The following DIP2C variants were observed in gnomAD, a reference collection of about 807,000 sequenced individuals.
DIP2C encodes the protein DIP2 acetate--CoA ligase C (putative), also known as disco-interacting protein 2 homolog C.
DIP2C carries 33 observed loss-of-function variants against 192.4 expected under a neutral mutation model. The ratio of observed to expected loss-of-function variants is 0.17; its 90% confidence interval spans 0.13 to 0.23. The LOEUF (loss-of-function observed/expected upper bound fraction) is 0.23. DIP2C is among the 10% of genes least tolerant of loss of function. The pLI is 1.00. For synonymous variants in DIP2C, 979 were observed against 864.1 expected (o/e 1.13, Z -2.33); for missense variants, 1,537 against 2,110.1 (o/e 0.73, Z 5.32).
chr10:336,854 C>T (rs888463678), intron 29 of DIP2C, among the ~76,000 whole-genome samples: 18 of 147,658 alleles, frequency 1.2e-4, no homozygotes, highest in Non-Finnish European at 3.0e-5. Context: ...GTTGTGGAGG[C>T]CTAGACTGGT....
At chr10:621,131 C>T (rs749659913) in intron 1 of DIP2C, among the ~76,000 whole-genome samples, 1 of 152,304 alleles carries the variant, frequency 6.6e-6, no homozygotes, top group Non-Finnish European at 1.5e-5. Context: ...GGGCCACTGA[C>T]GGACTCAACA....
rs929955932 is a variant in DIP2C, at chr10:283,135, T to C, written c.4294+137A>G. The C allele has an allele frequency of 5.7e-6, 7 of 1,238,556 alleles. No homozygotes were observed. In the African/African-American group the frequency reaches 8.8e-5, roughly 16 times the overall value. The allele number at this position is 1,238,556 out of a possible 1,614,324, so 76.7% of individuals were successfully genotyped here. The stretch of plus-strand genomic sequence containing the variant: ...TCCTCTTGCTCTTAAACTCGGTTCT[T>C]TTCACACTGGGTTGTAGCTAGCACA... On this transcript the variant is annotated intron_variant, in intron 35 of 36. Transcript: ENST00000280886.
At chr10:525,064 T>TG (rs1229008338) in intron 1 of DIP2C, among the ~76,000 whole-genome samples, 1 of 151,768 alleles carries the variant, frequency 6.6e-6, no homozygotes, top group Non-Finnish European at 1.5e-5. Flanking sequence ...AATTATCTCA[T>TG]GTATTTGTAG....
At chr10:488,772 G>A (rs542967352) in intron 1 of DIP2C, among the ~76,000 whole-genome samples, 6 of 152,322 alleles carry the variant, frequency 3.9e-5, no homozygotes, top group Non-Finnish European at 8.8e-5. Context: ...GTGGATGACT[G>A]TTCATGGTTT....
At chr10:554,183 T>C (rs1848728199) in intron 1 of DIP2C, among the ~76,000 whole-genome samples, 1 of 151,974 alleles carries the variant, frequency 6.6e-6, no homozygotes, top group Non-Finnish European at 1.5e-5. Flanking sequence ...GCAAGAAATA[T>C]ACATCACAGG....
intron 1 of DIP2C, among the ~76,000 whole-genome samples, chr10:555,681 T>C (rs1848814064): frequency 1.3e-5 from 2 of 152,278 alleles, no homozygotes; most frequent in East Asian, 1.9e-4. Context: ...GGCAGACTCC[T>C]GGGACCCACC....
rs755678898 is a variant in DIP2C, at chr10:486,508, A to G, written c.108T>C (p.Tyr36=). 2.7e-5 allele frequency: 44 copies of G among 1,606,158 alleles called. No homozygotes were observed. The highest frequency in any genetic ancestry group is 1.7e-4 in the Middle Eastern group (1 of 6,058). Residue 36 remains tyrosine, a synonymous_variant, in exon 2 of 37, where the codon TAT becomes TAC. Transcript: ENST00000280886. ...CAATTAACTTTGACCTCTTCTTTTC[A>G]TATCCTTTTTGTGTGATGTCACCTG... The part of the protein sequence containing the change: ...LSEGDITQKG[Y]EKKRSKLIGA...
intron 1 of DIP2C, among the ~76,000 whole-genome samples, chr10:672,213 A>T (rs1158979557): frequency 6.6e-6 from 1 of 151,958 alleles, no homozygotes; most frequent in Non-Finnish European, 1.5e-5. Flanking sequence ...AACACCACCG[A>T]CGCAGGGACG....
In DIP2C at chr10:651,359, G is replaced by A. The variant is rs1411400910; in HGVS notation, c.85+38135C>T. The A allele has an allele frequency of 1.4e-6, 1 of 702,286 alleles. No homozygotes were observed. Among genetic ancestry groups the A allele is most frequent in the Non-Finnish European group, 2.6e-6 (1 of 384,828 alleles). 43.5% of individuals were successfully genotyped at this position (702,286 alleles called of 1,614,324 possible). ...CACCTACTTTTGCATCCCCAGCACTGTGCTCAGGTCCCAGGGAGGCCCCAG... is the reference window on the plus strand; with the variant it reads ...CACCTACTTTTGCATCCCCAGCACTATGCTCAGGTCCCAGGGAGGCCCCAG... On this transcript the variant is annotated intron_variant, in intron 1 of 36. Coordinates refer to ENST00000280886, the MANE Select transcript of DIP2C (RefSeq NM_014974.3). The surrounding 1 kb of genome is among the most constrained non-coding windows in gnomAD (Gnocchi z 4.1).
chr10:612,304 T>C (rs1029470927), intron 1 of DIP2C, among the ~76,000 whole-genome samples: 2 of 150,332 alleles, frequency 1.3e-5, no homozygotes, highest in Middle Eastern at 3.4e-3. Flanking sequence ...AAAAAAAAAA[T>C]AAACCAATAC....
intron 1 of DIP2C, among the ~76,000 whole-genome samples, chr10:641,097 A>G (rs1855170976): frequency 2.0e-5 from 3 of 151,858 alleles, no homozygotes; most frequent in South Asian, 2.1e-4. Context: ...AAAGAAGTGG[A>G]AAATAGGTCC....
At chr10:409,606 C>G (rs994824705) in intron 8 of DIP2C, among the ~76,000 whole-genome samples, 1 of 152,242 alleles carries the variant, frequency 6.6e-6, no homozygotes, top group African/African-American at 2.4e-5. Context: ...GGAAAGTCCT[C>G]TGGGGCCACC....
At chr10:614,874 G>A (rs1240026773) in intron 1 of DIP2C, among the ~76,000 whole-genome samples, 1 of 152,222 alleles carries the variant, frequency 6.6e-6, no homozygotes, top group East Asian at 1.9e-4. Flanking sequence ...CACTCCAGCA[G>A]GAGAGGTGTG....
rs555496006 is a variant in DIP2C, at chr10:446,970, T to G, written c.269-5974A>C. ...GTGATATTCATATCCCTTTTACATA[T>G]TTTGGGTTTGATGTAGTAATAATTT... On this transcript the variant is annotated intron_variant, in intron 3 of 36. Coordinates refer to ENST00000280886, the MANE Select transcript of DIP2C (RefSeq NM_014974.3). Among the ~76,000 whole-genome samples, 4 of 152,322 alleles carry G rather than the reference T, an allele frequency of 2.6e-5. No homozygotes were observed. In the South Asian group the frequency reaches 8.3e-4, roughly 32 times the overall value.
At chr10:326,579 G>T (rs563240276) in intron 31 of DIP2C, among the ~76,000 whole-genome samples, 1 of 152,368 alleles carries the variant, frequency 6.6e-6, no homozygotes, top group Admixed American at 6.5e-5. Context: ...GTGCGGCTTT[G>T]CGGTTTCTAA....
At chr10:574,920 C>T (rs1588493572) in intron 1 of DIP2C, among the ~76,000 whole-genome samples, 2 of 152,218 alleles carry the variant, frequency 1.3e-5, no homozygotes, top group South Asian at 4.2e-4. Context: ...CAGAAGAGAG[C>T]TATGAAGTTT....
At chr10:467,324 T>G (rs1039657624) in intron 3 of DIP2C, among the ~76,000 whole-genome samples, 5 of 140,754 alleles carry the variant, frequency 3.6e-5, no homozygotes, top group African/African-American at 1.4e-4. Flanking sequence ...AGGTGGGAAT[T>G]GAACAATGAG....
At chr10:300,183 C>T (rs1005393260) in intron 32 of DIP2C, among the ~76,000 whole-genome samples, 3 of 152,154 alleles carry the variant, frequency 2.0e-5, no homozygotes, top group Admixed American at 6.6e-5. Context: ...GAACTGAAAC[C>T]AGGTCTTGAA....
At chr10:670,334 G>A (rs12268733) in intron 1 of DIP2C, among the ~76,000 whole-genome samples, 1,586 of 151,756 alleles carry the variant, frequency 0.01, 30 homozygotes, top group African/African-American at 0.032. Flanking sequence ...ATGCACATGC[G>A]CACGCGTACA....
Sources: gnomAD v4.1 joint callset for allele counts (sites outside exome capture counted in the v4.1 genomes callset) on GRCh38, gnomAD v4.1.1 for gene constraint, Gnocchi (gnomAD v3.1) non-coding constraint, MANE v1.5 for transcripts, NCBI Gene and HGNC (gene_info 2026-07-23, HGNC 2026-07-21) for gene names.